SH3GL3: variants seen among roughly 807,000 people sequenced by gnomAD.
SH3GL3 encodes endophilin-A3.
A neutral mutation model predicts 47.7 loss-of-function variants in SH3GL3; 33 were observed. The observed-to-expected ratio is 0.69, with a 90% CI of 0.52 to 0.92. SH3GL3 has a LOEUF of 0.92. Among genes scored for constraint, SH3GL3 ranks in the 40% least tolerant of loss-of-function variants. The pLI, the probability that SH3GL3 is intolerant of heterozygous loss-of-function variation, is 0.00. For synonymous variants in SH3GL3, 155 were observed against 148.8 expected, an observed-to-expected ratio of 1.04 and a Z score of -0.30; for missense variants, 363 against 417.8, an observed-to-expected ratio of 0.87 and a Z score of 1.14.
At chr15:83,550,548 C>T (rs2044612021) in intron 1 of SH3GL3, among the ~76,000 whole-genome samples, 1 of 152,056 alleles carries the variant, frequency 6.6e-6, no homozygotes, top group Non-Finnish European at 1.5e-5. Context: ...CACCACCATG[C>T]CTGGCTAATT....
the SH3GL3 span, among the ~76,000 whole-genome samples, chr15:83,631,110 C>T: frequency 1.3e-5 from 2 of 152,190 alleles, no homozygotes; most frequent in Non-Finnish European, 2.9e-5. Flanking sequence ...TCCAACAGGA[C>T]AGTCATTAAA....
At chr15:83,529,321 G>A (rs1029138142) in intron 1 of SH3GL3, among the ~76,000 whole-genome samples, 1 of 152,196 alleles carries the variant, frequency 6.6e-6, no homozygotes, top group African/African-American at 2.4e-5. Context: ...TCCAGCAGTG[G>A]CAGCAGTGGG....
At chr15:83,539,056 A>C (rs2044041436) in intron 1 of SH3GL3, among the ~76,000 whole-genome samples, 1 of 152,186 alleles carries the variant, frequency 6.6e-6, no homozygotes, top group East Asian at 1.9e-4. Context: ...AATTTTGACC[A>C]TTCTGATAGT....
chr15:83,492,914 A>T (rs1390523170), intron 1 of SH3GL3, among the ~76,000 whole-genome samples: 1 of 152,166 alleles, frequency 6.6e-6, no homozygotes, highest in Non-Finnish European at 1.5e-5. Flanking sequence ...CACTGAAATC[A>T]TTGCCCCAGG....
At chr15:83,511,242 T>C (rs1001051974) in intron 1 of SH3GL3, among the ~76,000 whole-genome samples, 1 of 152,142 alleles carries the variant, frequency 6.6e-6, no homozygotes, top group Non-Finnish European at 1.5e-5. Flanking sequence ...GCTTTTCCCT[T>C]TGCAGAAAGT....
chr15:83,499,434 G>A, intron 1 of SH3GL3, among the ~76,000 whole-genome samples: 1 of 148,656 alleles, frequency 6.7e-6, no homozygotes, highest in East Asian at 2.0e-4. Context: ...TCTTTGAACA[G>A]TGTTTAATTT....
intron 6 of SH3GL3, among the ~76,000 whole-genome samples, chr15:83,583,991 A>G (rs888872753): frequency 2.0e-5 from 3 of 152,162 alleles, no homozygotes; most frequent in Non-Finnish European, 2.9e-5. Context: ...GCAGCTCTGT[A>G]TCAGTTTCCT....
chr15:83,543,998 T>G (rs1205987783), intron 1 of SH3GL3, among the ~76,000 whole-genome samples: 1 of 152,016 alleles, frequency 6.6e-6, no homozygotes, highest in Non-Finnish European at 1.5e-5. Flanking sequence ...TTGCCTTTTC[T>G]TTTTCAATTT....
At chr15:83,549,960 C>T (rs939486237) in intron 1 of SH3GL3, among the ~76,000 whole-genome samples, 1 of 152,168 alleles carries the variant, frequency 6.6e-6, no homozygotes, top group Non-Finnish European at 1.5e-5. Flanking sequence ...ATTTTGGCCC[C>T]TCAGATTGTG....
chr15:83,573,761 A>C (rs2059596590), intron 5 of SH3GL3, among the ~76,000 whole-genome samples: 1 of 152,156 alleles, frequency 6.6e-6, no homozygotes, highest in African/African-American at 2.4e-5. Context: ...TCCTTTGTTC[A>C]TTTATTTATT....
chr15:83,586,903 T>TCTTTGCTG, intron 6 of SH3GL3, 80 bp from the exon 7 acceptor site: 1 of 670,022 alleles, frequency 1.5e-6, no homozygotes, highest in Non-Finnish European at 2.6e-6. Context: ...CAAAGCTAGG[T>TCTTTGCTG]CTTTGCTGCT....
chr15:83,493,572 G>GCATC (rs1420136692), intron 1 of SH3GL3, among the ~76,000 whole-genome samples: 2 of 152,042 alleles, frequency 1.3e-5, no homozygotes, highest in African/African-American at 4.8e-5. Context: ...CTCCTCCATT[G>GCATC]CATCCATCCA....
intron 1 of SH3GL3, among the ~76,000 whole-genome samples, chr15:83,506,584 A>G (rs1315303849): frequency 6.6e-6 from 1 of 152,136 alleles, no homozygotes. Flanking sequence ...TCCCTTTAAT[A>G]TTAACATAAT....
Position 83,494,658 on chromosome 15 carries a change from TC to T in SH3GL3, c.45+47081del, listed in dbSNP as rs553641200. Among the ~76,000 whole-genome samples, 219 of 151,930 alleles carry T rather than the reference TC, an allele frequency of 1.4e-3. 2 individuals carry two copies. Among genetic ancestry groups the T allele is most frequent in the African/African-American group, 5.2e-3 (217 of 41,440 alleles). On this transcript the variant is annotated intron_variant, in intron 1 of 8. Transcript: ENST00000427482. ...CCCGGGTTCAAGCGATTCTCCTGCC[TC>T]AGGCTCCTGAGTAGCTGGGACAACA...
chr15:83,530,684 A>G (rs1419817721), intron 1 of SH3GL3, among the ~76,000 whole-genome samples: 1 of 151,696 alleles, frequency 6.6e-6, no homozygotes, highest in East Asian at 1.9e-4. Context: ...TAATTCTTGT[A>G]AGGCAATCTA....
At chr15:83,619,072 T>G (rs2060897590), downstream of SH3GL3, among the ~76,000 whole-genome samples, 1 of 152,192 alleles carries the variant, frequency 6.6e-6, no homozygotes, top group African/African-American at 2.4e-5. Flanking sequence ...GAGTCCCCAA[T>G]AACATCCTCT....
At chr15:83,491,090 G>A (rs532270867) in intron 1 of SH3GL3, among the ~76,000 whole-genome samples, 1 of 152,296 alleles carries the variant, frequency 6.6e-6, no homozygotes, top group African/African-American at 2.4e-5. Context: ...GTGTGCTGGG[G>A]AGAGTCCGAG....
At chr15:83,545,396 T>G (rs2044347460) in intron 1 of SH3GL3, among the ~76,000 whole-genome samples, 1 of 152,212 alleles carries the variant, frequency 6.6e-6, no homozygotes, top group Non-Finnish European at 1.5e-5. Flanking sequence ...TAAATTTATC[T>G]GATAGGATTC....
chr15:83,625,032 G>T, the SH3GL3 span, among the ~76,000 whole-genome samples: 1 of 152,044 alleles, frequency 6.6e-6, no homozygotes, highest in Non-Finnish European at 1.5e-5. Context: ...AGGCTGAGGC[G>T]GGTGGATTGT....
Sources: allele counts gnomAD v4.1 joint callset (sites outside exome capture counted in the v4.1 genomes callset), GRCh38; gene constraint gnomAD v4.1.1; transcripts MANE v1.5; gene names NCBI Gene and HGNC (gene_info 2026-07-23, HGNC 2026-07-21).